The following ADAM29 variants were observed in gnomAD, a reference collection of about 807,000 sequenced individuals.
The protein encoded by ADAM29 is disintegrin and metalloproteinase domain-containing protein 29.
For missense variants in ADAM29, 969 were observed against 1,001.8 expected (o/e 0.97, Z 0.44); for synonymous variants, 367 against 342.3 (o/e 1.07, Z -0.80).
At chr4:174,950,603 G>T (rs774071503) in intron 4 of ADAM29, among the ~76,000 whole-genome samples, 5 of 152,088 alleles carry the variant, frequency 3.3e-5, no homozygotes, top group Non-Finnish European at 5.9e-5. Flanking sequence ...ATGATTTAAA[G>T]TGTATAACTT....
At chr4:174,962,557 C>CAT (rs993758519) in intron 4 of ADAM29, among the ~76,000 whole-genome samples, 124 of 150,368 alleles carry the variant, frequency 8.2e-4, no homozygotes, top group African/African-American at 2.9e-3. Context: ...ACTTTCAAGA[C>CAT]ATTGTGCATC....
Position 174,975,527 on chromosome 4 carries a change from TGAA to T in ADAM29, c.5_7del (p.Lys2?). ...CTGTGATTTGAAGCCTTTTTGAACA[TGAA>T]GATGTTACTCCTGCTGCATTGCCTT... On this transcript the variant is annotated start_lost and inframe_deletion, in exon 5 of 5. Transcript: ENST00000359240. 2.0e-6 allele frequency: 3 copies of T among 1,503,612 alleles called. No homozygotes were observed. Among genetic ancestry groups the T allele is most frequent in the Non-Finnish European group, 2.7e-6 (3 of 1,125,814 alleles). The allele number at this position is 1,503,612 out of a possible 1,614,324, so 93.1% of individuals were successfully genotyped here. A position where few individuals can be genotyped will look rare whatever the true frequency, so the allele number is the denominator to read the frequency against.
chr4:174,969,661 A>G (rs762495556), intron 4 of ADAM29, among the ~76,000 whole-genome samples: 19 of 152,210 alleles, frequency 1.2e-4, no homozygotes, highest in South Asian at 4.1e-4. Flanking sequence ...TAAAGTTAAA[A>G]TTAGGTTAGT....
chr4:174,965,499 C>CTATCTATT (rs1746099550), intron 4 of ADAM29, among the ~76,000 whole-genome samples: 2 of 151,468 alleles, frequency 1.3e-5, no homozygotes, highest in Non-Finnish European at 2.9e-5. Flanking sequence ...ATCTATCTAT[C>CTATCTATT]TATCTATCTA....
intron 4 of ADAM29, among the ~76,000 whole-genome samples, chr4:174,941,999 A>G (rs1015994444): frequency 1.3e-5 from 2 of 152,326 alleles, no homozygotes; most frequent in Non-Finnish European, 2.9e-5. Context: ...GCCCCACGCA[A>G]TTCCAAAACC....
intron 2 of ADAM29, among the ~76,000 whole-genome samples, chr4:174,927,605 G>A (rs1238105152): frequency 6.6e-6 from 1 of 152,120 alleles, no homozygotes; most frequent in Non-Finnish European, 1.5e-5. Context: ...AATATTCCTT[G>A]TTTGCATACA....
At chr4:174,920,408 TA>T (rs1743099500) in intron 1 of ADAM29, among the ~76,000 whole-genome samples, 1 of 152,200 alleles carries the variant, frequency 6.6e-6, no homozygotes, top group South Asian at 2.1e-4. Flanking sequence ...TGTAATACTT[TA>T]AATACTATTA....
intron 4 of ADAM29, among the ~76,000 whole-genome samples, chr4:174,973,782 C>T (rs1477015985): frequency 6.6e-6 from 1 of 152,162 alleles, no homozygotes; most frequent in Non-Finnish European, 1.5e-5. Flanking sequence ...CTTTCTAGGC[C>T]ATTCAAGTCA....
At chr4:174,934,711 C>T (rs550870641) in intron 3 of ADAM29, among the ~76,000 whole-genome samples, 256 of 152,276 alleles carry the variant, frequency 1.7e-3, no homozygotes, top group Non-Finnish European at 2.6e-3. Flanking sequence ...TTCCCATCTT[C>T]CGCAGGAGAT....
chr4:174,920,888 T>C (rs1036351746), intron 2 of ADAM29, 96 bp downstream of exon 2: 3 of 152,108 alleles, frequency 2.0e-5, no homozygotes, highest in Admixed American at 6.6e-5. Context: ...CTCTAATGGT[T>C]CCTAAGAAGT....
At position 174,976,846 on chromosome 4, in the gene ADAM29, C is replaced by T. The variant is rs1267071600; in HGVS notation, c.1321C>T (p.Leu441Phe). ...LTDGSTCAFG[L>F]CCKDCKFLPS... ...TGATGGTTCTACTTGTGCTTTTGGG[C>T]TTTGTTGCAAAGACTGCAAGTTCCT... The change falls in exon 5 of 5, where the codon CTT (leucine) becomes TTT (phenylalanine). Residue 441 changes from leucine to phenylalanine, a missense_variant. By Grantham distance (22) the Leu-to-Phe change is conservative (BLOSUM62 0). Transcript: ENST00000359240. 4 of 1,614,044 alleles carry T rather than the reference C, an allele frequency of 2.5e-6. No individual in the cohort carries two copies. Among genetic ancestry groups the T allele is most frequent in the Non-Finnish European group, 3.4e-6 (4 of 1,180,044 alleles).
rs377462177 is a variant in ADAM29 at position 174,975,599 on chromosome 4, C to T, written c.74C>T (p.Pro25Leu). The change falls in exon 5 of 5, where the codon CCC (proline) becomes CTC (leucine). Residue 25 changes from proline to leucine, a missense_variant. Coordinates refer to ENST00000359240, the MANE Select transcript of ADAM29 (RefSeq NM_014269.4). ...TCTGGACACATCCAGGATGAGCACC[C>T]CCAATATCACAGCCCTCCGGATGTG... ...SCSGHIQDEH[P>L]QYHSPPDVVI... The T allele has an allele frequency of 1.7e-5, 28 of 1,602,022 alleles. No homozygotes were observed. The South Asian group carries it at 2.7e-4, about 15-fold the overall frequency.
At chr4:174,971,862 GT>G in intron 4 of ADAM29, among the ~76,000 whole-genome samples, 1 of 152,148 alleles carries the variant, frequency 6.6e-6, no homozygotes, top group African/African-American at 2.4e-5. Context: ...GGTCCTATCA[GT>G]TTCTTAAGTT....
chr4:174,929,504 GGCAGAGTCCCT>G (rs1370217941), intron 2 of ADAM29, among the ~76,000 whole-genome samples: 1 of 152,094 alleles, frequency 6.6e-6, no homozygotes, highest in Non-Finnish European at 1.5e-5. Flanking sequence ...TCTCCACAAA[GGCAGAGTCCCT>G]GCTGGTGCGC....
At position 174,963,450 on chromosome 4, in the gene ADAM29, T is replaced by A. The variant is rs1311777235; in HGVS notation, c.-180-11896T>A. 5.9e-5 allele frequency among the ~76,000 whole-genome samples: 9 copies of A among 152,298 alleles called. No homozygotes were observed. The East Asian group carries it at 1.7e-3, about 29-fold the overall frequency. On this transcript the variant is annotated intron_variant, in intron 4 of 4. Coordinates refer to ENST00000359240, the MANE Select transcript of ADAM29 (RefSeq NM_014269.4). Reference sequence around the variant, plus strand: ...AAGACTGTGTCCTCTGTTCAGAGATTCAGTGGTAAAATGACATGTGGAATT... The same window carrying A: ...AAGACTGTGTCCTCTGTTCAGAGATACAGTGGTAAAATGACATGTGGAATT...
At chr4:174,942,796 C>G (rs921300390) in intron 4 of ADAM29, among the ~76,000 whole-genome samples, 43 of 152,302 alleles carry the variant, frequency 2.8e-4, no homozygotes, top group African/African-American at 1.0e-3. Flanking sequence ...GCTTGAATTT[C>G]TCCCCAGAAA....
Position 174,952,122 on chromosome 4 carries a change from T to C in ADAM29, c.-181+15109T>C, listed in dbSNP as rs186173369. On this transcript the variant is annotated intron_variant, in intron 4 of 4. Transcript: ENST00000359240. ...ACATGTATCAAAACATCATATTGTA[T>C]AACAAAAATATATGCATTTTAATGT... is the stretch of plus-strand genomic sequence containing the variant. 4.1e-3 allele frequency among the ~76,000 whole-genome samples: 620 copies of C among 152,234 alleles called. 1 individual carries two copies. The highest frequency in any genetic ancestry group is 6.9e-3 in the Non-Finnish European group (470 of 68,006).
chr4:174,924,499 AACC>A (rs1388547712), intron 2 of ADAM29, among the ~76,000 whole-genome samples: 3 of 152,226 alleles, frequency 2.0e-5, no homozygotes, highest in African/African-American at 7.2e-5. Flanking sequence ...TCTACACAAA[AACC>A]TGCATGTCAA....
intron 4 of ADAM29, among the ~76,000 whole-genome samples, chr4:174,954,989 ATGT>A (rs1745416111): frequency 6.6e-6 from 1 of 152,156 alleles, no homozygotes; most frequent in Admixed American, 6.5e-5. Flanking sequence ...TCATTCATGT[ATGT>A]TTTAGATTTA....
Sources: gnomAD v4.1 joint callset for allele counts (sites outside exome capture counted in the v4.1 genomes callset) on GRCh38, gnomAD v4.1.1 for gene constraint, MANE v1.5 for transcripts, NCBI Gene and HGNC (gene_info 2026-07-23, HGNC 2026-07-21) for gene names.